SNX29: variants seen among roughly 807,000 people sequenced by gnomAD.
The protein encoded by SNX29 is sorting nexin-29.
A neutral mutation model predicts 102.1 loss-of-function variants in SNX29; 78 were observed. That is an observed-to-expected ratio of 0.76 (90% CI 0.64 to 0.92). The LOEUF is 0.92. Among genes scored for constraint, SNX29 ranks in the 40% least tolerant of loss-of-function variants. The pLI, the probability that SNX29 is intolerant of heterozygous loss-of-function variation, is 0.00. For synonymous variants in SNX29, 580 were observed against 414.5 expected (o/e 1.40, Z -4.85); for missense variants, 1,280 against 1,061.7 (o/e 1.21, Z -2.86).
intron 19 of SNX29, among the ~76,000 whole-genome samples, chr16:12,479,305 C>G (rs1190390894): frequency 2.6e-5 from 4 of 152,236 alleles, no homozygotes; most frequent in Non-Finnish European, 1.5e-5. Context: ...ACCGTGCTAG[C>G]ATTTCCTTGA....
At chr16:12,053,376 A>C (rs969799900) in intron 8 of SNX29, 1 of 151,190 alleles carries the variant, frequency 6.6e-6, no homozygotes, top group Non-Finnish European at 1.5e-5. Flanking sequence ...CCTAATCATG[A>C]CTACTGCAAA....
chr16:12,544,569 A>C (rs1351323159), intron 20 of SNX29, among the ~76,000 whole-genome samples: 1 of 152,144 alleles, frequency 6.6e-6, no homozygotes, highest in Admixed American at 6.5e-5. Flanking sequence ...TGATGGATTC[A>C]TTGTTCTGCA....
At position 12,571,729 on chromosome 16, in the gene SNX29, G is replaced by A. The variant is rs1036507911; in HGVS notation, c.*3100G>A. 9.2e-5 allele frequency: 96 copies of A among 1,044,500 alleles called. No homozygotes were observed. The highest frequency in any genetic ancestry group is 1.2e-4 in the African/African-American group (7 of 60,500). The allele number at this position is 1,044,500 out of a possible 1,614,324, so 64.7% of individuals were successfully genotyped here. Reference sequence around the variant, plus strand: ...TTCTAAGGGAGGGAGCTTAAAGGCTGCTAGAAACCTAGCCCAACCATCCAC... The same window carrying A: ...TTCTAAGGGAGGGAGCTTAAAGGCTACTAGAAACCTAGCCCAACCATCCAC... On this transcript the variant is annotated 3_prime_UTR_variant, in exon 21 of 21. Coordinates refer to ENST00000566228, the MANE Select transcript of SNX29 (RefSeq NM_032167.5).
intron 3 of SNX29, among the ~76,000 whole-genome samples, chr16:12,025,957 T>C (rs543737388): frequency 1.3e-5 from 2 of 152,222 alleles, no homozygotes; most frequent in African/African-American, 4.8e-5. Flanking sequence ...AAGTGTAAAA[T>C]GGAGATAATA....
intron 13 of SNX29, among the ~76,000 whole-genome samples, chr16:12,181,795 G>C (rs979929595): frequency 6.6e-5 from 10 of 152,024 alleles, no homozygotes; most frequent in South Asian, 2.1e-4. Context: ...TTGTGGCTGT[G>C]ACTTTATCCT....
At chr16:12,399,304 G>A (rs1252559962) in intron 17 of SNX29, among the ~76,000 whole-genome samples, 1 of 152,046 alleles carries the variant, frequency 6.6e-6, no homozygotes, top group Non-Finnish European at 1.5e-5. Flanking sequence ...CACCCACCTC[G>A]GCCTCCCAAA....
At chr16:12,538,897 ATGACC>A (rs1184398982) in intron 20 of SNX29, among the ~76,000 whole-genome samples, 1 of 144,322 alleles carries the variant, frequency 6.9e-6, no homozygotes, top group African/African-American at 2.8e-5. Context: ...GCACAGATTA[ATGACC>A]TGTTCTAAGT....
chr16:11,984,374 C>CA (rs74806501), intron 1 of SNX29, among the ~76,000 whole-genome samples: 6 of 9,456 alleles, frequency 6.3e-4, no homozygotes, highest in Admixed American at 1.2e-3. Context: ...GACCCTGTCT[C>CA]AAAAAAAAAA....
chr16:12,048,343 A>C, intron 6 of SNX29, 29 bp from the exon 7 acceptor site: 5 of 1,613,072 alleles, frequency 3.1e-6, no homozygotes, highest in Non-Finnish European at 4.2e-6. Flanking sequence ...ATCAGCAAGC[A>C]CTCCAGACTT....
intron 20 of SNX29, among the ~76,000 whole-genome samples, chr16:12,535,175 G>A (rs1001741712): frequency 1.3e-5 from 2 of 152,210 alleles, no homozygotes; most frequent in African/African-American, 2.4e-5. Flanking sequence ...GTCTCACTCT[G>A]TCACCAAGGC....
chr16:12,372,787 A>G (rs2082730666), intron 16 of SNX29: 1 of 152,224 alleles, frequency 6.6e-6, no homozygotes, highest in African/African-American at 2.4e-5. Flanking sequence ...TGGTGGTATC[A>G]ATCGACATGG....
rs138888471 is a variant in SNX29 at position 12,303,594 on chromosome 16, C to A, written c.1782+25558C>A. 2.7e-3 allele frequency among the ~76,000 whole-genome samples: 407 copies of A among 152,234 alleles called. 4 individuals carry two copies. In the Middle Eastern group the frequency reaches 0.041, roughly 15 times the overall value. ...TACGGAAAGGCAAGGGCATGGTAAC[C>A]ATAAAAATTAGGGTTGTGATCATGG... On this transcript the variant is annotated intron_variant, in intron 15 of 20. Transcript: ENST00000566228.
chr16:12,027,115 C>G (rs2057214184), intron 3 of SNX29, among the ~76,000 whole-genome samples: 1 of 152,206 alleles, frequency 6.6e-6, no homozygotes, highest in South Asian at 2.1e-4. Flanking sequence ...GCTGGGCATC[C>G]TGAGCTCTGT....
chr16:12,560,706 C>T (rs977116353), intron 20 of SNX29: 1 of 163,514 alleles, frequency 6.1e-6, no homozygotes, highest in African/African-American at 2.4e-5. Flanking sequence ...CGACTCTGGG[C>T]TCAGAGTGCA....
At chr16:12,306,450 AACAGAC>A (rs1226312736) in intron 15 of SNX29, among the ~76,000 whole-genome samples, 1 of 152,088 alleles carries the variant, frequency 6.6e-6, no homozygotes, top group Non-Finnish European at 1.5e-5. Context: ...AAATGAATTA[AACAGAC>A]ATTTAATTCA....
At chr16:12,221,097 T>C (rs2077464061) in intron 14 of SNX29, among the ~76,000 whole-genome samples, 1 of 151,880 alleles carries the variant, frequency 6.6e-6, no homozygotes, top group Non-Finnish European at 1.5e-5. Context: ...ATATGAATCG[T>C]ATGATGAAGT....
intron 3 of SNX29, among the ~76,000 whole-genome samples, chr16:12,023,355 A>G (rs2057085173): frequency 6.7e-6 from 1 of 150,034 alleles, no homozygotes; most frequent in African/African-American, 2.5e-5. Context: ...TGTCTGCAGT[A>G]GAGAGTATTC....
chr16:12,133,189 A>G lies in SNX29; in HGVS notation c.1595+3431A>G, dbSNP rs375335910. 1.8e-4 allele frequency among the ~76,000 whole-genome samples: 27 copies of G among 150,782 alleles called. 1 individual carries two copies. The South Asian group carries it at 5.7e-3, about 32-fold the overall frequency. On this transcript the variant is annotated intron_variant, in intron 13 of 20. Coordinates refer to ENST00000566228, the MANE Select transcript of SNX29 (RefSeq NM_032167.5). ...TTTATGGTCCAGGTGCCTGCCTTGT[A>G]CTGACGGGGTCAGACCATGGCTCTC...
chr16:12,059,456 C>A (rs1452458340), intron 8 of SNX29, among the ~76,000 whole-genome samples: 6 of 152,216 alleles, frequency 3.9e-5, no homozygotes, highest in Non-Finnish European at 8.8e-5. Flanking sequence ...CTTTTGCCCC[C>A]ACCCTGCTGT....
Sources: gnomAD v4.1 joint callset for allele counts (sites outside exome capture counted in the v4.1 genomes callset) on GRCh38, gnomAD v4.1.1 for gene constraint, MANE v1.5 for transcripts, NCBI Gene and HGNC (gene_info 2026-07-23, HGNC 2026-07-21) for gene names.